Variants in SGCZ observed in about 807,000 individuals in gnomAD.
SGCZ encodes zeta-sarcoglycan.
In SGCZ, 40 loss-of-function variants were observed where a neutral mutation model predicts 41.3. The ratio of observed to expected loss-of-function variants is 0.97; its 90% CI spans 0.75 to 1.26. The LOEUF (loss-of-function observed/expected upper bound fraction) is 1.26, where lower values mean the gene tolerates loss of function less well. Among genes scored for constraint, SGCZ ranks in the 50% most tolerant of loss-of-function variants. The pLI is 0.00. For synonymous variants in SGCZ, 206 were observed against 137.5 expected, an observed-to-expected ratio of 1.50 and a Z score of -3.49; for missense variants, 552 against 369.8, an observed-to-expected ratio of 1.49 and a Z score of -4.04.
intron 1 of SGCZ, among the ~76,000 whole-genome samples, chr8:14,877,453 T>G (rs1046623158): frequency 1.3e-5 from 2 of 152,208 alleles, no homozygotes; most frequent in Admixed American, 6.5e-5. Flanking sequence ...AAAATCCAAC[T>G]GCTTCTAAAT....
At chr8:14,387,130 T>C (rs1029432374) in intron 2 of SGCZ, among the ~76,000 whole-genome samples, 3 of 152,188 alleles carry the variant, frequency 2.0e-5, no homozygotes, top group Admixed American at 6.6e-5. Context: ...AGTTGTTCAA[T>C]CATAACTCCT....
intron 1 of SGCZ, among the ~76,000 whole-genome samples, chr8:14,712,764 T>C (rs1332238176): frequency 1.3e-5 from 2 of 152,158 alleles, no homozygotes; most frequent in African/African-American, 4.8e-5. Flanking sequence ...AGACGCAACA[T>C]CTCTTCCTGT....
chr8:14,792,252 A>C (rs1800979729), intron 1 of SGCZ, among the ~76,000 whole-genome samples: 1 of 152,198 alleles, frequency 6.6e-6, no homozygotes, highest in Non-Finnish European at 1.5e-5. Context: ...ATAAACATAC[A>C]TTTTTTCTTA....
chr8:14,468,340 A>G (rs1342491338), intron 2 of SGCZ, among the ~76,000 whole-genome samples: 2 of 152,112 alleles, frequency 1.3e-5, no homozygotes, highest in African/African-American at 2.4e-5. Flanking sequence ...TTAGAGCACA[A>G]GCATAAAGAA....
chr8:15,180,087 G>A (rs17121108), intron 1 of SGCZ, among the ~76,000 whole-genome samples: 63,781 of 151,992 alleles, frequency 0.42, 14,815 homozygotes, highest in African/African-American at 0.61. Context: ...TCCTCTTATC[G>A]TTCCTACATC....
chr8:14,510,122 A>T (rs903538069), intron 2 of SGCZ, among the ~76,000 whole-genome samples: 1 of 152,332 alleles, frequency 6.6e-6, no homozygotes, highest in Non-Finnish European at 1.5e-5. Flanking sequence ...TTTCAAGAAA[A>T]GAAATTTCCT....
At chr8:14,452,895 G>A (rs973655460) in intron 2 of SGCZ, among the ~76,000 whole-genome samples, 1 of 152,190 alleles carries the variant, frequency 6.6e-6, no homozygotes, top group East Asian at 1.9e-4. Flanking sequence ...TTGAGATCAG[G>A]AGTTTGAGAC....
At chr8:14,221,155 G>A (rs571385725) in intron 4 of SGCZ, among the ~76,000 whole-genome samples, 15 of 152,278 alleles carry the variant, frequency 9.9e-5, no homozygotes, top group African/African-American at 3.1e-4. Flanking sequence ...AAATCTATAA[G>A]CAATGTCTTA....
chr8:14,906,949 A>T (rs944005191), intron 1 of SGCZ, among the ~76,000 whole-genome samples: 2 of 152,210 alleles, frequency 1.3e-5, no homozygotes, highest in African/African-American at 4.8e-5. Flanking sequence ...AAAAAAGGTG[A>T]TATTTCTGCC....
chr8:14,440,508 G>A (rs749865641), intron 2 of SGCZ, among the ~76,000 whole-genome samples: 3 of 151,162 alleles, frequency 2.0e-5, no homozygotes, highest in Non-Finnish European at 4.4e-5. Flanking sequence ...TTAACTCTTA[G>A]GTTTTTATTT....
intron 5 of SGCZ, among the ~76,000 whole-genome samples, chr8:14,118,042 A>G (rs1802578502): frequency 2.0e-5 from 3 of 152,086 alleles, no homozygotes; most frequent in African/African-American, 7.2e-5. Context: ...TGCAATAAAC[A>G]TAGCTGTGCA....
At chr8:14,239,070 A>G (rs1022887458) in intron 3 of SGCZ, among the ~76,000 whole-genome samples, 3 of 151,950 alleles carry the variant, frequency 2.0e-5, no homozygotes, top group Non-Finnish European at 4.4e-5. Flanking sequence ...ACAGACACTT[A>G]TCTCCTAAAA....
chr8:14,244,393 C>T (rs1484211960), intron 3 of SGCZ, among the ~76,000 whole-genome samples: 1 of 152,116 alleles, frequency 6.6e-6, no homozygotes, highest in Non-Finnish European at 1.5e-5. Context: ...GCAGCTACGT[C>T]ATTCCTTTCC....
chr8:14,250,298 T>C (rs1383340035), intron 3 of SGCZ, among the ~76,000 whole-genome samples: 2 of 152,194 alleles, frequency 1.3e-5, no homozygotes, highest in Admixed American at 6.6e-5. Flanking sequence ...CAGCCCATGT[T>C]AAACCTACAA....
rs1461976967 is a variant in SGCZ, at chr8:14,089,009, T to G, written c.*1434A>C. ...AATTCAGGACTTACCTTATAGTAAT[T>G]AAGTCATCTTCCCATAATAGGAAAT... is the stretch of plus-strand genomic sequence containing the variant. On this transcript the variant is annotated 3_prime_UTR_variant, in exon 8 of 8. Coordinates refer to ENST00000382080, the MANE Select transcript of SGCZ (RefSeq NM_139167.4). 1.3e-5 allele frequency among the ~76,000 whole-genome samples: 2 copies of G among 151,936 alleles called. No homozygotes were observed. The highest frequency in any genetic ancestry group is 1.3e-4 in the Admixed American group (2 of 15,220).
chr8:14,241,915 G>A (rs1033102676), intron 3 of SGCZ, among the ~76,000 whole-genome samples: 15 of 152,028 alleles, frequency 9.9e-5, no homozygotes, highest in Non-Finnish European at 2.2e-4. Context: ...ATGGAAAAAT[G>A]ATTTTTTCTT....
intron 6 of SGCZ, among the ~76,000 whole-genome samples, chr8:14,103,660 T>G (rs376053727): frequency 3.9e-4 from 59 of 152,058 alleles, no homozygotes; most frequent in African/African-American, 1.3e-3. Context: ...TCTTTTTTTT[T>G]CACTCACCAA....
intron 1 of SGCZ, among the ~76,000 whole-genome samples, chr8:14,626,148 A>G (rs758330731): frequency 2.1e-4 from 32 of 152,052 alleles, no homozygotes; most frequent in Non-Finnish European, 4.1e-4. Flanking sequence ...TTTGTTTTAT[A>G]TCATTTTTAT....
intron 4 of SGCZ, among the ~76,000 whole-genome samples, chr8:14,210,143 C>T (rs527640094): frequency 2.0e-5 from 3 of 152,196 alleles, no homozygotes; most frequent in Admixed American, 1.3e-4. Flanking sequence ...CAGCAACCTC[C>T]GCCTACCAGG....
Sources: gnomAD v4.1 joint callset for allele counts (sites outside exome capture counted in the v4.1 genomes callset) on GRCh38, gnomAD v4.1.1 for gene constraint, MANE v1.5 for transcripts, NCBI Gene and HGNC (gene_info 2026-07-23, HGNC 2026-07-21) for gene names.